The following MORC1 variants were observed in gnomAD, a reference collection of about 807,000 sequenced individuals.
MORC1 encodes MORC family CW-type zinc finger 1.
In MORC1, 59 loss-of-function variants were observed where a neutral mutation model predicts 134.9. The ratio of observed to expected loss-of-function variants is 0.44; its 90% CI spans 0.35 to 0.54. The LOEUF (loss-of-function observed/expected upper bound fraction) is 0.54, where lower values mean the gene tolerates loss of function less well. MORC1 is among the 20% of genes least tolerant of loss of function. The pLI, the probability that MORC1 is intolerant of heterozygous loss-of-function variation, is 0.00. For synonymous variants in MORC1, 395 were observed against 391.7 expected, an observed-to-expected ratio of 1.01 and a Z score of -0.10; for missense variants, 947 against 1,134.5, an observed-to-expected ratio of 0.83 and a Z score of 2.37.
chr3:109,055,746 T>C (rs1018252315), intron 13 of MORC1, among the ~76,000 whole-genome samples: 1 of 152,168 alleles, frequency 6.6e-6, no homozygotes, highest in Non-Finnish European at 1.5e-5. Flanking sequence ...GAAATACAGG[T>C]TCCCCCTGGC....
At position 109,032,756 on chromosome 3, in the gene MORC1, C is replaced by CAA; in HGVS notation, c.1527_1528dup (p.Trp510PhefsTer18). The stretch of plus-strand genomic sequence containing the variant: ...GCGGTTGGGATTATTAGCACAAATC[C>CAA]AAATGTCAAAAAATTCTTTTTCCTG... On this transcript the variant is annotated frameshift_variant, in exon 16 of 28. Coordinates refer to ENST00000232603, the MANE Select transcript of MORC1 (RefSeq NM_014429.4). LOFTEE classifies it high-confidence loss of function. The CAA allele has an allele frequency of 6.2e-7, 1 of 1,607,822 alleles. No homozygotes were observed. The highest frequency in any genetic ancestry group is 8.5e-7 in the Non-Finnish European group (1 of 1,176,258).
intron 8 of MORC1, among the ~76,000 whole-genome samples, chr3:109,071,179 T>C (rs567902404): frequency 1.2e-4 from 19 of 152,318 alleles, no homozygotes; most frequent in African/African-American, 4.3e-4. Context: ...TGATGTTAAA[T>C]TGCTCTTGTA....
intron 8 of MORC1, among the ~76,000 whole-genome samples, chr3:109,081,179 GA>G (rs1471272529): frequency 1.3e-5 from 2 of 151,966 alleles, no homozygotes; most frequent in African/African-American, 4.8e-5. Context: ...GAAAAACAAA[GA>G]AAAATGTTGA....
chr3:108,959,051 G>A lies in MORC1; in HGVS notation c.2869C>T (p.Leu957Phe). 6.4e-7 allele frequency: 1 copy of A among 1,573,188 alleles called. No individual in the cohort carries two copies. Among genetic ancestry groups the A allele is most frequent in the Non-Finnish European group, 8.6e-7 (1 of 1,160,422 alleles). The change falls in exon 28 of 28, where the codon CTC becomes TTC. Residue 957 changes from leucine to phenylalanine, a missense_variant. Leu to Phe is a conservative substitution (Grantham distance 22, BLOSUM62 0). Around this residue, in one of 3 missense-constraint regions of MORC1, gnomAD observed 722 missense variants for 817.0 expected, o/e 0.88. Transcript: ENST00000232603. ...LEALLKEDNL[L>F]FQNNLNKVTI... is the part of the protein sequence containing the mutation. Reference sequence around the variant, plus strand: ...ACTTTATTTAAATTGTTCTGGAAGAGAAGATTATCTTCTTTAAGCAAAGCT... The same window carrying A: ...ACTTTATTTAAATTGTTCTGGAAGAAAAGATTATCTTCTTTAAGCAAAGCT...
intron 14 of MORC1, among the ~76,000 whole-genome samples, chr3:109,051,382 T>C (rs1201168835): frequency 6.6e-6 from 1 of 152,178 alleles, no homozygotes; most frequent in Non-Finnish European, 1.5e-5. Flanking sequence ...GTAATACTGG[T>C]TTTCAGATAG....
intron 26 of MORC1, among the ~76,000 whole-genome samples, 171 bp downstream of exon 26, chr3:108,969,498 C>T (rs896134396): frequency 2.6e-5 from 4 of 152,098 alleles, no homozygotes; most frequent in African/African-American, 4.8e-5. Context: ...TTTTAAAATT[C>T]AAAAATATGT....
chr3:109,049,274 T>A, intron 14 of MORC1: 1 of 292,702 alleles, frequency 3.4e-6, no homozygotes, highest in Non-Finnish European at 5.1e-6. Context: ...GTCTATGTTT[T>A]AAGGAAAATA....
chr3:109,088,721 A>G (rs964361466), intron 8 of MORC1, among the ~76,000 whole-genome samples: 1 of 152,322 alleles, frequency 6.6e-6, no homozygotes, highest in Non-Finnish European at 1.5e-5. Context: ...GTATATACCC[A>G]GAATAATATA....
At chr3:109,054,956 GA>G (rs1429138472) in intron 13 of MORC1, 74 bp from the exon 14 acceptor site, 28 of 1,332,944 alleles carry the variant, frequency 2.1e-5, no homozygotes, top group Non-Finnish European at 2.7e-5. Flanking sequence ...CTGGTCATTT[GA>G]AATCATTTTT....
chr3:108,963,585 T>C lies in MORC1; in HGVS notation c.2628A>G (p.Gln876=), dbSNP rs754538513. Residue 876 remains glutamine (Q), a synonymous_variant, in exon 27 of 28, where the codon CAA becomes CAG. Transcript: ENST00000232603. ...FNQIQNTYMV[Q]YEKKIKRKLQ... is the part of the protein sequence containing the mutation. Reference sequence around the variant, plus strand: ...ATTTCCTCTTTATTTTTTTTTCATATTGGACCATGTAAGTATTCTGTATCT... The same window carrying C: ...ATTTCCTCTTTATTTTTTTTTCATACTGGACCATGTAAGTATTCTGTATCT... 35 of 1,572,680 alleles carry C rather than the reference T, an allele frequency of 2.2e-5. No individual in the cohort carries two copies. The highest frequency in any genetic ancestry group is 3.3e-4 in the Middle Eastern group (2 of 5,974).
intron 5 of MORC1, among the ~76,000 whole-genome samples, 192 bp downstream of exon 5, chr3:109,100,225 A>T (rs1950900190): frequency 6.6e-6 from 1 of 152,090 alleles, no homozygotes; most frequent in African/African-American, 2.4e-5. Flanking sequence ...CCAGGGTGAC[A>T]GAGTGAGAAT....
chr3:109,054,938 A>G, intron 13 of MORC1, 56 bp from the exon 14 acceptor site: 2 of 1,461,480 alleles, frequency 1.4e-6, no homozygotes, highest in Non-Finnish European at 1.9e-6. Flanking sequence ...AAAAAAATCA[A>G]ATATATTCTG....
At chr3:109,011,047 T>C (rs1258709827) in intron 17 of MORC1, among the ~76,000 whole-genome samples, 2 of 152,144 alleles carry the variant, frequency 1.3e-5, no homozygotes, top group African/African-American at 2.4e-5. Context: ...ATATGATAGG[T>C]ATATCTTTAA....
intron 17 of MORC1, among the ~76,000 whole-genome samples, chr3:109,023,618 A>G (rs1949009107): frequency 6.8e-6 from 1 of 146,934 alleles, no homozygotes; most frequent in Non-Finnish European, 1.6e-5. Flanking sequence ...TGTGTGCATG[A>G]TAATGACACA....
chr3:109,084,477 AT>A (rs1237229750), intron 8 of MORC1, among the ~76,000 whole-genome samples: 1 of 152,180 alleles, frequency 6.6e-6, no homozygotes, highest in Admixed American at 6.6e-5. Flanking sequence ...AAAGAAAATT[AT>A]AAAATACTTA....
intron 8 of MORC1, among the ~76,000 whole-genome samples, chr3:109,080,987 A>G (rs1950509693): frequency 1.3e-5 from 2 of 152,162 alleles, no homozygotes; most frequent in South Asian, 4.1e-4. Flanking sequence ...TAGATTTATT[A>G]GAACAATATT....
chr3:109,066,414 T>C (rs1268191276), intron 9 of MORC1, among the ~76,000 whole-genome samples: 1 of 151,898 alleles, frequency 6.6e-6, no homozygotes, highest in Non-Finnish European at 1.5e-5. Context: ...GCCTCTGGAA[T>C]AGCTGGGATT....
At position 109,118,129 on chromosome 3, in the gene MORC1, G is replaced by A. The variant is rs1951312480; in HGVS notation, c.-70C>T. ...GACCGGCAGCCGTTCGCCTGCGCCC[G>A]CGCCCACTCCCACGCCCACGCTCAC... is the stretch of plus-strand genomic sequence containing the variant. On this transcript the variant is annotated 5_prime_UTR_variant, in exon 1 of 28. Coordinates refer to ENST00000232603, the MANE Select transcript of MORC1 (RefSeq NM_014429.4). 1.3e-6 allele frequency: 2 copies of A among 1,540,996 alleles called. No individual in the cohort carries two copies. Among genetic ancestry groups the A allele is most frequent in the African/African-American group, 1.4e-5 (1 of 73,172 alleles).
chr3:109,077,901 G>T (rs1950452640), intron 8 of MORC1, among the ~76,000 whole-genome samples: 1 of 152,052 alleles, frequency 6.6e-6, no homozygotes. Context: ...TGGAAAGAAA[G>T]TGGTGGCAAA....
Sources: gnomAD v4.1 joint callset for allele counts (sites outside exome capture counted in the v4.1 genomes callset) on GRCh38, gnomAD v4.1.1 for gene constraint, gnomAD v4.1.1 regional missense constraint, MANE v1.5 for transcripts, NCBI Gene and HGNC (gene_info 2026-07-23, HGNC 2026-07-21) for gene names.